The following ENOX1 variants were observed in gnomAD, a reference collection of about 807,000 sequenced individuals.
ENOX1 encodes candidate growth-related and time keeping constitutive hydroquinone (NADH) oxidase.
A neutral mutation model predicts 82.5 loss-of-function variants in ENOX1; 42 were observed. The observed-to-expected ratio is 0.51, with a 90% CI of 0.40 to 0.66. ENOX1 has a LOEUF of 0.66. Among genes scored for constraint, ENOX1 ranks in the 30% least tolerant of loss-of-function variants. ENOX1 has a pLI of 0.00. For synonymous variants in ENOX1, 271 were observed against 282.2 expected (o/e 0.96, Z 0.40); for missense variants, 608 against 811.6 (o/e 0.75, Z 3.05).
intron 2 of ENOX1, among the ~76,000 whole-genome samples, chr13:43,573,959 C>T (rs935572135): frequency 6.6e-6 from 1 of 152,028 alleles, no homozygotes; most frequent in Non-Finnish European, 1.5e-5. Flanking sequence ...ATTTGAAAAC[C>T]ATTGCTTCCC....
chr13:43,251,770 C>T (rs545090628), intron 14 of ENOX1, among the ~76,000 whole-genome samples: 1 of 152,240 alleles, frequency 6.6e-6, no homozygotes, highest in African/African-American at 2.4e-5. Flanking sequence ...TGAATTTGAC[C>T]TGCTGACTCA....
At chr13:43,322,600 C>A (rs2047878671) in intron 10 of ENOX1, 99 bp from the exon 11 acceptor site, 1 of 995,414 alleles carries the variant, frequency 1.0e-6, no homozygotes, top group Non-Finnish European at 1.5e-6. Context: ...CATTCAGAAT[C>A]CAAAGCTTTT....
chr13:43,404,121 T>C (rs200584821), intron 5 of ENOX1, among the ~76,000 whole-genome samples: 2 of 152,156 alleles, frequency 1.3e-5, no homozygotes, highest in East Asian at 3.9e-4. Flanking sequence ...GCAGTCTCTA[T>C]AAAACAAGTC....
At chr13:43,702,845 C>T (rs1458508107) in intron 1 of ENOX1, among the ~76,000 whole-genome samples, 3 of 148,282 alleles carry the variant, frequency 2.0e-5, no homozygotes, top group Admixed American at 6.8e-5. Flanking sequence ...CCCAGCTACT[C>T]GGGAGGCTGA....
At chr13:43,307,395 C>T (rs774828642) in intron 11 of ENOX1, among the ~76,000 whole-genome samples, 1 of 152,144 alleles carries the variant, frequency 6.6e-6, no homozygotes, top group Non-Finnish European at 1.5e-5. Flanking sequence ...TGGAATGGGG[C>T]CCAGGGATGT....
intron 2 of ENOX1, among the ~76,000 whole-genome samples, chr13:43,597,825 G>T (rs1219928724): frequency 1.3e-5 from 2 of 152,052 alleles, no homozygotes; most frequent in Non-Finnish European, 2.9e-5. Context: ...CTCTTTTCTG[G>T]CCCACAGTCT....
chr13:43,506,496 A>G (rs2077170861), intron 2 of ENOX1, among the ~76,000 whole-genome samples: 1 of 140,316 alleles, frequency 7.1e-6, no homozygotes, highest in Non-Finnish European at 1.6e-5. Flanking sequence ...GTATATACCC[A>G]AAGGATTATA....
At chr13:43,340,892 T>C (rs148284712) in intron 9 of ENOX1, among the ~76,000 whole-genome samples, 10 of 152,382 alleles carry the variant, frequency 6.6e-5, no homozygotes, top group African/African-American at 2.2e-4. Context: ...TATATATTGA[T>C]GACTTGATAT....
At chr13:43,683,523 T>G (rs2085903099) in intron 1 of ENOX1, among the ~76,000 whole-genome samples, 1 of 152,098 alleles carries the variant, frequency 6.6e-6, no homozygotes, top group Admixed American at 6.6e-5. Flanking sequence ...CAACTTCAGT[T>G]GGGTTTTTGG....
intron 5 of ENOX1, among the ~76,000 whole-genome samples, chr13:43,410,753 C>T (rs1286879960): frequency 3.3e-5 from 5 of 152,112 alleles, no homozygotes; most frequent in Admixed American, 2.6e-4. Flanking sequence ...ATGAAGTGCA[C>T]AGGTATGTGG....
chr13:43,291,401 T>C (rs762710141), intron 12 of ENOX1, among the ~76,000 whole-genome samples: 1 of 152,238 alleles, frequency 6.6e-6, no homozygotes, highest in Non-Finnish European at 1.5e-5. Flanking sequence ...CTTTGTTCCA[T>C]ATTTCAACCT....
intron 2 of ENOX1, among the ~76,000 whole-genome samples, chr13:43,617,262 A>C (rs2153743775): frequency 6.6e-6 from 1 of 152,348 alleles, no homozygotes; most frequent in Admixed American, 6.5e-5. Context: ...TTATAAATGA[A>C]GCTGCTATGG....
chr13:43,778,732 T>C (rs573205716), intron 1 of ENOX1, among the ~76,000 whole-genome samples: 1 of 152,110 alleles, frequency 6.6e-6, no homozygotes, highest in African/African-American at 2.4e-5. Context: ...CTTTTATTTA[T>C]GCTCAGACAT....
chr13:43,651,280 G>A (rs1177507099), intron 2 of ENOX1, among the ~76,000 whole-genome samples: 1 of 152,152 alleles, frequency 6.6e-6, no homozygotes, highest in Non-Finnish European at 1.5e-5. Flanking sequence ...AGGAGGAGAA[G>A]AGGAACAGGG....
intron 5 of ENOX1, among the ~76,000 whole-genome samples, chr13:43,399,925 AC>A (rs1461563524): frequency 2.0e-5 from 3 of 151,028 alleles, no homozygotes; most frequent in African/African-American, 7.3e-5. Context: ...CCATCCAGCC[AC>A]CCCTCCACTT....
intron 2 of ENOX1, among the ~76,000 whole-genome samples, chr13:43,590,907 A>C (rs1175410403): frequency 6.6e-6 from 1 of 152,194 alleles, no homozygotes; most frequent in Non-Finnish European, 1.5e-5. Flanking sequence ...AAGTATGAGA[A>C]AATGTTCCAA....
intron 15 of ENOX1, among the ~76,000 whole-genome samples, chr13:43,230,383 A>C (rs1012941935): frequency 6.6e-6 from 1 of 152,154 alleles, no homozygotes; most frequent in Non-Finnish European, 1.5e-5. Flanking sequence ...GGACAGGGGC[A>C]GGAAATGGAC....
At chr13:43,372,067 A>G (rs535120675) in intron 5 of ENOX1, among the ~76,000 whole-genome samples, 1 of 152,366 alleles carries the variant, frequency 6.6e-6, no homozygotes, top group East Asian at 1.9e-4. Context: ...TAAAATTTAC[A>G]GAATTTACAG....
intron 1 of ENOX1, among the ~76,000 whole-genome samples, chr13:43,709,471 G>A (rs2087541842): frequency 6.6e-6 from 1 of 151,950 alleles, no homozygotes; most frequent in African/African-American, 2.4e-5. Flanking sequence ...CTGAAAACAA[G>A]CAAGTTAAAC....
Sources: allele counts gnomAD v4.1 joint callset (sites outside exome capture counted in the v4.1 genomes callset), GRCh38; gene constraint gnomAD v4.1.1; transcripts MANE v1.5; gene names NCBI Gene and HGNC (gene_info 2026-07-23, HGNC 2026-07-21).